Variants in LDB2 observed in about 807,000 individuals in gnomAD.
The protein encoded by LDB2 is LIM domain binding 2, also known as LIM domain-binding protein 2.
LDB2 carries 12 observed loss-of-function variants against 44.3 expected under a neutral mutation model. The ratio of observed to expected loss-of-function variants is 0.27; its 90% CI spans 0.17 to 0.44. LDB2 has a LOEUF of 0.44. Ranked by LOEUF, LDB2 falls within the 20% of genes least tolerant of loss-of-function variation. LDB2 has a pLI of 1.00. For synonymous variants in LDB2, 164 were observed against 174.8 expected, an observed-to-expected ratio of 0.94 and a Z score of 0.49; for missense variants, 344 against 473.5, an observed-to-expected ratio of 0.73 and a Z score of 2.54.
chr4:16,561,800 C>G (rs1258201165), intron 5 of LDB2, among the ~76,000 whole-genome samples: 7 of 152,168 alleles, frequency 4.6e-5, no homozygotes, highest in Non-Finnish European at 7.3e-5. Context: ...GGAGGCATCA[C>G]GCTACCTGAC....
intron 5 of LDB2, among the ~76,000 whole-genome samples, chr4:16,516,068 G>A (rs1039100631): frequency 2.0e-5 from 3 of 151,772 alleles, no homozygotes; most frequent in African/African-American, 4.8e-5. Flanking sequence ...GGATTTCACC[G>A]TGTGTCCAGG....
At chr4:16,756,956 A>ATT (rs111556601) in intron 2 of LDB2, among the ~76,000 whole-genome samples, 2 of 144,878 alleles carry the variant, frequency 1.4e-5, no homozygotes, top group African/African-American at 2.5e-5. Context: ...GTGATTGGGG[A>ATT]TTTTTTTTTT....
At chr4:16,676,547 G>GA (rs969593524) in intron 2 of LDB2, among the ~76,000 whole-genome samples, 1 of 152,054 alleles carries the variant, frequency 6.6e-6, no homozygotes, top group African/African-American at 2.4e-5. Flanking sequence ...CACAGAAGAG[G>GA]AAAAAAATCT....
At chr4:16,694,931 C>G (rs1484593463) in intron 2 of LDB2, among the ~76,000 whole-genome samples, 1 of 152,212 alleles carries the variant, frequency 6.6e-6, no homozygotes, top group African/African-American at 2.4e-5. Context: ...TTCATGGCAT[C>G]TTGGCCCCAG....
intron 5 of LDB2, among the ~76,000 whole-genome samples, chr4:16,550,059 C>T (rs79692955): frequency 6.6e-6 from 1 of 152,096 alleles, no homozygotes; most frequent in Non-Finnish European, 1.5e-5. Context: ...AATGTGATGT[C>T]CTGGGGTGTA....
chr4:16,678,028 T>A (rs748263734), intron 2 of LDB2, among the ~76,000 whole-genome samples: 7 of 152,204 alleles, frequency 4.6e-5, no homozygotes, highest in African/African-American at 1.7e-4. Context: ...TATTGGTGAC[T>A]TCCATTTGAA....
At chr4:16,512,148 A>G (rs1300633675) in intron 5 of LDB2, 44 bp from the exon 6 acceptor site, 7 of 1,507,838 alleles carry the variant, frequency 4.6e-6, no homozygotes, top group Non-Finnish European at 6.3e-6. Flanking sequence ...ACTTCATAAC[A>G]CTAATTACAA....
chr4:16,750,412 C>T (rs139781515), intron 2 of LDB2, among the ~76,000 whole-genome samples: 1 of 152,208 alleles, frequency 6.6e-6, no homozygotes, highest in Non-Finnish European at 1.5e-5. Context: ...AGAAGGCCTG[C>T]AATGCAGACT....
At chr4:16,666,895 G>T (rs1160272586) in intron 2 of LDB2, among the ~76,000 whole-genome samples, 1 of 152,074 alleles carries the variant, frequency 6.6e-6, no homozygotes, top group Non-Finnish European at 1.5e-5. Context: ...CAAAGAAAAA[G>T]ACCTTATTCC....
intron 2 of LDB2, among the ~76,000 whole-genome samples, chr4:16,606,342 C>CT (rs1453986941): frequency 6.6e-6 from 1 of 152,140 alleles, no homozygotes; most frequent in Non-Finnish European, 1.5e-5. Context: ...GTTTTACATT[C>CT]TTTTCTCAAC....
intron 2 of LDB2, among the ~76,000 whole-genome samples, chr4:16,608,127 T>C (rs2152459421): frequency 6.6e-6 from 1 of 151,640 alleles, no homozygotes; most frequent in South Asian, 2.1e-4. Flanking sequence ...CAACTTAGTT[T>C]TGATGGGGTT....
chr4:16,524,849 G>A (rs1727629913), intron 5 of LDB2, among the ~76,000 whole-genome samples: 1 of 152,130 alleles, frequency 6.6e-6, no homozygotes, highest in South Asian at 2.1e-4. Context: ...CCCCAGCATA[G>A]GAACCCTTTG....
At chr4:16,707,317 T>C (rs1306851919) in intron 2 of LDB2, among the ~76,000 whole-genome samples, 2 of 152,128 alleles carry the variant, frequency 1.3e-5, no homozygotes, top group Admixed American at 6.6e-5. Context: ...AATAATGAAA[T>C]ACAATTCTAA....
intron 2 of LDB2, among the ~76,000 whole-genome samples, chr4:16,672,853 T>TTCC (rs1270607211): frequency 3.4e-5 from 5 of 148,764 alleles, no homozygotes; most frequent in Admixed American, 6.7e-5. Flanking sequence ...CCTTCCTTCC[T>TTCC]TTCCTCCCTC....
intron 1 of LDB2, among the ~76,000 whole-genome samples, chr4:16,788,253 C>A (rs1040547256): frequency 1.3e-5 from 2 of 152,236 alleles, no homozygotes; most frequent in Non-Finnish European, 2.9e-5. Flanking sequence ...CCGCTCTCCA[C>A]AGGGCAAGGT....
intron 2 of LDB2, among the ~76,000 whole-genome samples, chr4:16,631,322 T>C (rs1304704811): frequency 6.6e-6 from 1 of 152,136 alleles, no homozygotes; most frequent in Non-Finnish European, 1.5e-5. Flanking sequence ...AACAACCTGC[T>C]CCTGAATGAC....
At chr4:16,740,351 A>G (rs1052963935) in intron 2 of LDB2, among the ~76,000 whole-genome samples, 3 of 152,218 alleles carry the variant, frequency 2.0e-5, no homozygotes, top group Admixed American at 2.0e-4. Flanking sequence ...TGCCCTAAAC[A>G]GGCCACATGC....
chr4:16,892,396 C>A (rs1318814693), intron 1 of LDB2, among the ~76,000 whole-genome samples: 2 of 151,892 alleles, frequency 1.3e-5, no homozygotes, highest in Non-Finnish European at 2.9e-5. Flanking sequence ...TGCATGCTGC[C>A]AGAATTTAAA....
chr4:16,594,348 C>T (rs1328613650), intron 3 of LDB2, among the ~76,000 whole-genome samples: 3 of 152,106 alleles, frequency 2.0e-5, no homozygotes, highest in African/African-American at 7.2e-5. Flanking sequence ...CAGATTAAAC[C>T]ATCATTCAGG....
Sources: allele counts gnomAD v4.1 joint callset (sites outside exome capture counted in the v4.1 genomes callset), GRCh38; gene constraint gnomAD v4.1.1; transcripts MANE v1.5; gene names NCBI Gene and HGNC (gene_info 2026-07-23, HGNC 2026-07-21).